Variants in PID1 observed in about 807,000 individuals in gnomAD.
PID1 encodes PTB-containing, cubilin and LRP1-interacting protein.
PID1 carries 10 observed loss-of-function variants against 19.1 expected under a neutral mutation model. That is an observed-to-expected ratio of 0.52 (90% confidence interval 0.32 to 0.89). The LOEUF (loss-of-function observed/expected upper bound fraction) is 0.89. Ranked by LOEUF, PID1 falls within the 40% of genes least tolerant of loss-of-function variation. PID1 has a pLI of 0.03. For missense variants in PID1, 248 were observed against 285.3 expected (o/e 0.87, Z 0.94); for synonymous variants, 130 against 116.0 (o/e 1.12, Z -0.78).
chr2:229,113,596 A>ATGTGTGTGTGTGTG lies in PID1; in HGVS notation c.177+42208_177+42221dup, dbSNP rs3083856. On this transcript the variant is annotated intron_variant, in intron 2 of 2. Coordinates refer to ENST00000392055, the MANE Select transcript of PID1 (RefSeq NM_001100818.2). ...TATGTGTGTATGTGTGTATGCATAT[A>ATGTGTGTGTGTGTG]TGTGTGTGTGTGTGTGTGTGTGTGT... 7.4e-3 allele frequency among the ~76,000 whole-genome samples: 1,058 copies of ATGTGTGTGTGTGTG among 142,018 alleles called. 16 individuals are homozygous for ATGTGTGTGTGTGTG. Among genetic ancestry groups the ATGTGTGTGTGTGTG allele is most frequent in the Non-Finnish European group, 0.012 (770 of 65,344 alleles). 93.2% of individuals were successfully genotyped at this position (142,018 alleles called of 152,430 possible).
chr2:229,193,630 TG>T, intron 1 of PID1, among the ~76,000 whole-genome samples: 1 of 152,270 alleles, frequency 6.6e-6, no homozygotes, highest in East Asian at 1.9e-4. Flanking sequence ...AGAAGAGGGC[TG>T]TATTTTTATT....
At chr2:229,175,785 T>C (rs1333756954) in intron 1 of PID1, among the ~76,000 whole-genome samples, 1 of 152,196 alleles carries the variant, frequency 6.6e-6, no homozygotes. Context: ...TTAAACAAAC[T>C]CTCTTTTGCT....
Position 229,029,594 on chromosome 2 carries a change from G to C in PID1, c.178-3486C>G, listed in dbSNP as rs148527030. Among the ~76,000 whole-genome samples the C allele has an allele frequency of 2.5e-3, 385 of 152,186 alleles. 1 individual carries two copies. The highest frequency in any genetic ancestry group is 8.9e-3 in the African/African-American group (368 of 41,518). ...GCAGTGGCTCACGCTTGTAATCCCAGCACTTTGGAAGGAGAGGCGGGCGGA... is the reference window on the plus strand; with the variant it reads ...GCAGTGGCTCACGCTTGTAATCCCACCACTTTGGAAGGAGAGGCGGGCGGA... On this transcript the variant is annotated intron_variant, in intron 2 of 2. Transcript: ENST00000392055.
intron 1 of PID1, among the ~76,000 whole-genome samples, chr2:229,269,214 C>A (rs1690671347): frequency 6.6e-6 from 1 of 151,958 alleles, no homozygotes; most frequent in Non-Finnish European, 1.5e-5. Flanking sequence ...AAAACAGGTT[C>A]TTTCAACATG....
intron 1 of PID1, among the ~76,000 whole-genome samples, chr2:229,198,063 C>T (rs1032037512): frequency 2.0e-5 from 3 of 151,984 alleles, no homozygotes; most frequent in African/African-American, 7.2e-5. Context: ...AGCTTTCAGG[C>T]TTAAAGTAAC....
intron 2 of PID1, among the ~76,000 whole-genome samples, chr2:229,027,706 A>G (rs752898333): frequency 6.6e-6 from 1 of 152,226 alleles, no homozygotes; most frequent in Non-Finnish European, 1.5e-5. Context: ...GGGAAACAGT[A>G]AAGGCAAGTA....
intron 1 of PID1, among the ~76,000 whole-genome samples, chr2:229,191,251 C>A (rs771119667): frequency 6.6e-6 from 1 of 152,048 alleles, no homozygotes; most frequent in South Asian, 2.1e-4. Context: ...GAGGGCAAAT[C>A]GCCACCGATG....
chr2:229,260,047 C>A (rs190477436), intron 1 of PID1, among the ~76,000 whole-genome samples: 23 of 152,238 alleles, frequency 1.5e-4, no homozygotes, highest in African/African-American at 5.3e-4. Flanking sequence ...AGCCCCCAAG[C>A]AGACTAAGAC....
chr2:229,271,133 G>T lies in PID1; in HGVS notation c.-90C>A. On this transcript the variant is annotated 5_prime_UTR_variant, in exon 1 of 3. Coordinates refer to ENST00000392055, the MANE Select transcript of PID1 (RefSeq NM_001100818.2). ...GGGCTGGGGTCCCGCTTTACATCTG[G>T]GGTCGGTGTCCGCGGGATGTGCGTC... 1 of 1,424,310 alleles carries T rather than the reference G, an allele frequency of 7.0e-7. No individual in the cohort carries two copies. Among genetic ancestry groups the T allele is most frequent in the Non-Finnish European group, 9.6e-7 (1 of 1,046,646 alleles). The allele number at this position is 1,424,310 out of a possible 1,614,324, so 88.2% of individuals were successfully genotyped here. A position where few individuals can be genotyped will look rare whatever the true frequency, so the allele number is the denominator to read the frequency against.
chr2:229,100,878 C>G (rs1042736922), intron 2 of PID1, among the ~76,000 whole-genome samples: 2 of 152,230 alleles, frequency 1.3e-5, no homozygotes, highest in Non-Finnish European at 2.9e-5. Flanking sequence ...TCAGGGAAAT[C>G]TGACATCACA....
chr2:229,084,540 C>T (rs1694728115), intron 2 of PID1, among the ~76,000 whole-genome samples: 1 of 152,182 alleles, frequency 6.6e-6, no homozygotes, highest in Non-Finnish European at 1.5e-5. Flanking sequence ...TGTCTCATCC[C>T]ATCCTGCCAA....
chr2:229,026,499 G>A (rs931118233), intron 2 of PID1, among the ~76,000 whole-genome samples: 4 of 152,076 alleles, frequency 2.6e-5, no homozygotes, highest in Non-Finnish European at 5.9e-5. Context: ...ATAATAGGAA[G>A]GAATCAAAAG....
chr2:229,210,913 A>T (rs1417551690), intron 1 of PID1, among the ~76,000 whole-genome samples: 1 of 152,200 alleles, frequency 6.6e-6, no homozygotes, highest in African/African-American at 2.4e-5. Context: ...TTTTGAGCCA[A>T]TAGGATTTAA....
At chr2:229,033,552 G>C (rs918329781) in intron 2 of PID1, among the ~76,000 whole-genome samples, 2 of 152,114 alleles carry the variant, frequency 1.3e-5, no homozygotes, top group Non-Finnish European at 2.9e-5. Flanking sequence ...CTAGGGGAGG[G>C]AGAGCATTAG....
chr2:229,096,792 T>A (rs933395525), intron 2 of PID1, among the ~76,000 whole-genome samples: 2 of 152,172 alleles, frequency 1.3e-5, no homozygotes, highest in Non-Finnish European at 2.9e-5. Flanking sequence ...CTGAACCATG[T>A]CTCTTAACCC....
chr2:229,078,065 C>G (rs1253891038), intron 2 of PID1, among the ~76,000 whole-genome samples: 1 of 152,182 alleles, frequency 6.6e-6, no homozygotes, highest in Non-Finnish European at 1.5e-5. Flanking sequence ...TTTGTGTCCT[C>G]TCTTATGTCC....
intron 1 of PID1, among the ~76,000 whole-genome samples, chr2:229,247,343 T>C (rs912351947): frequency 3.3e-5 from 5 of 152,330 alleles, no homozygotes; most frequent in Admixed American, 1.3e-4. Context: ...TCCTCTCACA[T>C]GGCTTAAAAG....
At chr2:229,039,909 C>T (rs1693734432) in intron 2 of PID1, among the ~76,000 whole-genome samples, 2 of 152,074 alleles carry the variant, frequency 1.3e-5, no homozygotes. Context: ...AATGAAGGTA[C>T]TCTTCAATAT....
At chr2:229,260,775 T>C (rs1690439599) in intron 1 of PID1, among the ~76,000 whole-genome samples, 1 of 151,108 alleles carries the variant, frequency 6.6e-6, no homozygotes, top group African/African-American at 2.4e-5. Flanking sequence ...AAGAAAGTAG[T>C]AGACATGACA....
Sources: allele counts gnomAD v4.1 joint callset (sites outside exome capture counted in the v4.1 genomes callset), GRCh38; gene constraint gnomAD v4.1.1; transcripts MANE v1.5; gene names NCBI Gene and HGNC (gene_info 2026-07-23, HGNC 2026-07-21).